PABPC4L: variants seen among roughly 807,000 people sequenced by gnomAD.
PABPC4L encodes the protein poly(A) binding protein cytoplasmic 4 like.
For synonymous variants in PABPC4L, 169 were observed against 164.1 expected, an observed-to-expected ratio of 1.03 and a Z score of -0.23; for missense variants, 452 against 451.4, an observed-to-expected ratio of 1.00 and a Z score of -0.01.
chr4:134,115,453 G>T, the PABPC4L span, among the ~76,000 whole-genome samples: 2 of 151,842 alleles, frequency 1.3e-5, no homozygotes, highest in East Asian at 1.9e-4. Flanking sequence ...TGGAATTATA[G>T]AATAGGAACC....
chr4:134,131,051 A>G, the PABPC4L span, among the ~76,000 whole-genome samples: 14 of 152,250 alleles, frequency 9.2e-5, no homozygotes, highest in South Asian at 2.9e-3. Context: ...TTAAGGTAAT[A>G]AAAGCTATCT....
chr4:133,980,741 CTT>C, the PABPC4L span, among the ~76,000 whole-genome samples: 106 of 152,248 alleles, frequency 7.0e-4, 1 homozygote, highest in African/African-American at 2.5e-3. Context: ...ATTTTCCACT[CTT>C]ATGAAGTGTT....
chr4:134,196,950 A>G lies in PABPC4L; in HGVS notation c.*2957T>C, dbSNP rs1483096894. 2.6e-5 allele frequency: 4 copies of G among 151,704 alleles called. No individual in the cohort carries two copies. The highest frequency in any genetic ancestry group is 4.1e-4 in the South Asian group (2 of 4,826). The allele number at this position is 151,704 out of a possible 1,614,324, so 9.4% of individuals were successfully genotyped here. A position where few individuals can be genotyped will look rare whatever the true frequency, so the allele number is the denominator to read the frequency against. ...TATTAACTACTTACATACATGAAAG[A>G]ACTCTGTTTCCTGATATTATCTTGA... On this transcript the variant is annotated 3_prime_UTR_variant, in exon 2 of 2. Transcript: ENST00000421491.
the PABPC4L span, among the ~76,000 whole-genome samples, chr4:134,183,921 CGT>C: frequency 2.2e-4 from 33 of 148,314 alleles, no homozygotes; most frequent in East Asian, 5.9e-4. Flanking sequence ...TGTGTGTGTG[CGT>C]GTGTGTGTGT....
chr4:134,113,592 G>A, the PABPC4L span, among the ~76,000 whole-genome samples: 1,573 of 151,976 alleles, frequency 0.01, 34 homozygotes, highest in African/African-American at 0.036. Flanking sequence ...ATTGCCTAAA[G>A]TTGCATTTCT....
chr4:133,955,391 T>G, the PABPC4L span, among the ~76,000 whole-genome samples: 1 of 152,154 alleles, frequency 6.6e-6, no homozygotes, highest in Non-Finnish European at 1.5e-5. Context: ...TCTTAAAATT[T>G]TCAACTATTA....
At chr4:134,019,863 A>T in the PABPC4L span, among the ~76,000 whole-genome samples, 5 of 152,124 alleles carry the variant, frequency 3.3e-5, no homozygotes, top group African/African-American at 1.2e-4. Context: ...GTTGGCAGTT[A>T]TGTACCAGGG....
the PABPC4L span, among the ~76,000 whole-genome samples, chr4:133,986,067 G>A: frequency 1.3e-5 from 2 of 152,022 alleles, no homozygotes; most frequent in African/African-American, 4.8e-5. Flanking sequence ...ATATTTATTA[G>A]TCACAGCTTA....
chr4:134,164,370 T>C, the PABPC4L span, among the ~76,000 whole-genome samples: 1 of 146,826 alleles, frequency 6.8e-6, no homozygotes. Flanking sequence ...ATTGGCTACA[T>C]AGAAAATCCT....
At chr4:134,089,838 G>T in the PABPC4L span, among the ~76,000 whole-genome samples, 4 of 152,128 alleles carry the variant, frequency 2.6e-5, no homozygotes, top group African/African-American at 9.6e-5. Flanking sequence ...CCATGCCCCT[G>T]TGTATAACCT....
At chr4:134,160,685 G>A in the PABPC4L span, among the ~76,000 whole-genome samples, 3 of 151,944 alleles carry the variant, frequency 2.0e-5, no homozygotes, top group East Asian at 1.9e-4. Context: ...AGTACAGCCT[G>A]GGCAACATAG....
chr4:134,153,190 T>A, the PABPC4L span, among the ~76,000 whole-genome samples: 94 of 152,266 alleles, frequency 6.2e-4, no homozygotes, highest in Non-Finnish European at 1.9e-4. Flanking sequence ...AGCTTGTCTC[T>A]ATTTTTTTAG....
the PABPC4L span, among the ~76,000 whole-genome samples, chr4:134,045,195 A>G: frequency 6.6e-6 from 1 of 152,182 alleles, no homozygotes; most frequent in Non-Finnish European, 1.5e-5. Flanking sequence ...GATAGATTGC[A>G]CAAAATTAAA....
chr4:134,068,266 A>G, the PABPC4L span, among the ~76,000 whole-genome samples: 1 of 152,186 alleles, frequency 6.6e-6, no homozygotes, highest in Non-Finnish European at 1.5e-5. Flanking sequence ...GACCTTTACC[A>G]TTATGTAATA....
chr4:134,056,068 G>T, the PABPC4L span, among the ~76,000 whole-genome samples: 1 of 151,846 alleles, frequency 6.6e-6, no homozygotes, highest in East Asian at 1.9e-4. Flanking sequence ...TTGTTGAAAG[G>T]CTATCTTTCC....
the PABPC4L span, among the ~76,000 whole-genome samples, chr4:134,037,577 C>T: frequency 6.6e-6 from 1 of 151,876 alleles, no homozygotes; most frequent in East Asian, 1.9e-4. Context: ...AAGACAAAAG[C>T]AAATAATTCC....
chr4:133,979,118 T>C, the PABPC4L span, among the ~76,000 whole-genome samples: 1 of 152,192 alleles, frequency 6.6e-6, no homozygotes, highest in African/African-American at 2.4e-5. Flanking sequence ...GAAAAATTGA[T>C]ATCGAAAAGA....
At chr4:133,949,409 G>C in the PABPC4L span, among the ~76,000 whole-genome samples, 3 of 152,042 alleles carry the variant, frequency 2.0e-5, no homozygotes, top group Admixed American at 6.5e-5. Context: ...CCACCACTAG[G>C]CCCCAACCAA....
chr4:134,031,056 T>C, the PABPC4L span, among the ~76,000 whole-genome samples: 2 of 152,058 alleles, frequency 1.3e-5, no homozygotes, highest in South Asian at 2.1e-4. Flanking sequence ...CAGCTCTAAA[T>C]GGTTGCTTAA....
Sources: gnomAD v4.1 joint callset for allele counts (sites outside exome capture counted in the v4.1 genomes callset) on GRCh38, gnomAD v4.1.1 for gene constraint, MANE v1.5 for transcripts, NCBI Gene and HGNC (gene_info 2026-07-23, HGNC 2026-07-21) for gene names.